PTPRN2: variants seen among roughly 807,000 people sequenced by gnomAD.
PTPRN2 encodes the protein protein tyrosine phosphatase receptor type N2, also known as receptor-type tyrosine-protein phosphatase N2.
A neutral mutation model predicts 118.8 loss-of-function variants in PTPRN2; 74 were observed. The ratio of observed to expected loss-of-function variants is 0.62; its 90% CI spans 0.52 to 0.76. The LOEUF is 0.76. PTPRN2 is among the 30% of genes least tolerant of loss of function. The pLI is 0.00. For synonymous variants in PTPRN2, 641 were observed against 608.0 expected, an observed-to-expected ratio of 1.05 and a Z score of -0.80; for missense variants, 1,481 against 1,394.4, an observed-to-expected ratio of 1.06 and a Z score of -0.99.
chr7:158,020,138 G>A (rs534690037), intron 11 of PTPRN2, among the ~76,000 whole-genome samples: 3 of 152,202 alleles, frequency 2.0e-5, no homozygotes, highest in Admixed American at 6.5e-5. Context: ...GATGGCCAGA[G>A]CCCAGGTGGG....
chr7:158,124,984 G>A (rs765354713), intron 9 of PTPRN2, among the ~76,000 whole-genome samples: 2 of 152,256 alleles, frequency 1.3e-5, no homozygotes, highest in Non-Finnish European at 2.9e-5. Flanking sequence ...CAGATGGCCT[G>A]GACCAGGGTG....
At chr7:158,070,970 G>T (rs1180930535) in intron 11 of PTPRN2, among the ~76,000 whole-genome samples, 2 of 115,892 alleles carry the variant, frequency 1.7e-5, no homozygotes, top group African/African-American at 8.5e-5. Flanking sequence ...AGGTGCTCAC[G>T]GTGGAGGTGC....
At chr7:158,333,705 A>G (rs1227529209) in intron 2 of PTPRN2, among the ~76,000 whole-genome samples, 2 of 150,596 alleles carry the variant, frequency 1.3e-5, no homozygotes, top group Non-Finnish European at 2.9e-5. Flanking sequence ...CTGTCACCAT[A>G]AGAGCTGAGG....
At chr7:158,277,896 G>A (rs2150989575) in intron 3 of PTPRN2, among the ~76,000 whole-genome samples, 1 of 152,252 alleles carries the variant, frequency 6.6e-6, no homozygotes. Flanking sequence ...CTGCGGCAGA[G>A]TCTAAGAGAA....
At chr7:158,216,034 AT>A (rs1280929526) in intron 3 of PTPRN2, among the ~76,000 whole-genome samples, 1 of 152,162 alleles carries the variant, frequency 6.6e-6, no homozygotes, top group East Asian at 1.9e-4. Context: ...GTCTTATGTC[AT>A]TTTAAATGCA....
Position 157,630,529 on chromosome 7 carries a change from T to G in PTPRN2, c.2197-9020A>C, listed in dbSNP as rs909865819. 3.9e-5 allele frequency among the ~76,000 whole-genome samples: 6 copies of G among 152,328 alleles called. No homozygotes were observed. In the South Asian group the frequency reaches 1.2e-3, roughly 32 times the overall value. ...ACCGTGTGCCCGTCACGGCAGCACCTTTGACTTGCCATGGAATTACGGGTC... is the reference window on the plus strand; with the variant it reads ...ACCGTGTGCCCGTCACGGCAGCACCGTTGACTTGCCATGGAATTACGGGTC... On this transcript the variant is annotated intron_variant, in intron 14 of 22. Transcript: ENST00000389418.
chr7:158,381,557 G>A (rs1444901239), intron 2 of PTPRN2, among the ~76,000 whole-genome samples: 1 of 152,168 alleles, frequency 6.6e-6, no homozygotes, highest in Non-Finnish European at 1.5e-5. Flanking sequence ...CCTCTAGGAA[G>A]TGCCAAACTT....
chr7:158,379,142 G>T (rs916037517), intron 2 of PTPRN2, among the ~76,000 whole-genome samples: 9 of 152,168 alleles, frequency 5.9e-5, no homozygotes, highest in Non-Finnish European at 1.0e-4. Context: ...CCAGAGTGGG[G>T]AAGGCTCATA....
At chr7:157,570,652 A>G (rs918204757) in intron 20 of PTPRN2, among the ~76,000 whole-genome samples, 14 of 152,194 alleles carry the variant, frequency 9.2e-5, no homozygotes, top group Middle Eastern at 3.2e-3. Flanking sequence ...ACTTAGGGAT[A>G]TGAGTCACTG....
chr7:158,359,867 G>A (rs1349175984), intron 2 of PTPRN2, among the ~76,000 whole-genome samples: 2 of 152,106 alleles, frequency 1.3e-5, no homozygotes, highest in African/African-American at 4.8e-5. Flanking sequence ...TTAATATACA[G>A]CACCTTAGCT....
intron 11 of PTPRN2, among the ~76,000 whole-genome samples, chr7:157,988,944 G>A (rs1804032606): frequency 6.6e-6 from 1 of 152,218 alleles, no homozygotes; most frequent in African/African-American, 2.4e-5. Flanking sequence ...GTCCTCATAT[G>A]CAAACATGTC....
chr7:158,397,178 C>T (rs890727693), intron 2 of PTPRN2, among the ~76,000 whole-genome samples: 3 of 152,208 alleles, frequency 2.0e-5, no homozygotes, highest in African/African-American at 7.2e-5. Flanking sequence ...TCCTTCCTTG[C>T]GTAATCTCAA....
At chr7:158,564,321 G>C (rs1359637104) in intron 1 of PTPRN2, among the ~76,000 whole-genome samples, 1 of 152,268 alleles carries the variant, frequency 6.6e-6, no homozygotes, top group Non-Finnish European at 1.5e-5. Flanking sequence ...GTGCAAGTAA[G>C]TTTGTAAGGA....
intron 12 of PTPRN2, among the ~76,000 whole-genome samples, chr7:157,816,640 G>A (rs1463529148): frequency 6.6e-6 from 1 of 152,220 alleles, no homozygotes. Flanking sequence ...AGCCCCCGCA[G>A]TCTACAGGCC....
rs1283061000 is a variant in PTPRN2 at position 157,544,431 on chromosome 7, G to T, written c.2977-3646C>A. On this transcript the variant is annotated intron_variant, in intron 22 of 22. Coordinates refer to ENST00000389418, the MANE Select transcript of PTPRN2 (RefSeq NM_002847.5). ...GGCTGAGGTCAGGCTTTAGGACAAG[G>T]GGCTGGTGCAGAAGAAAATGGGGAA... Among the ~76,000 whole-genome samples, 5 of 152,210 alleles carry T rather than the reference G, an allele frequency of 3.3e-5. No individual in the cohort carries two copies. In the South Asian group the frequency reaches 1.0e-3, roughly 32 times the overall value.
intron 21 of PTPRN2, among the ~76,000 whole-genome samples, chr7:157,559,782 C>T (rs548856272): frequency 4.6e-5 from 7 of 152,300 alleles, no homozygotes; most frequent in African/African-American, 1.7e-4. Context: ...ACCAGTGCTT[C>T]GGGCACATCC....
intron 12 of PTPRN2, among the ~76,000 whole-genome samples, chr7:157,709,478 G>A (rs1181729791): frequency 6.6e-6 from 1 of 152,158 alleles, no homozygotes; most frequent in Non-Finnish European, 1.5e-5. Context: ...TGGGTTACTC[G>A]GACATCTAGA....
chr7:157,951,997 C>A (rs113119876), intron 11 of PTPRN2, among the ~76,000 whole-genome samples: 2 of 152,230 alleles, frequency 1.3e-5, no homozygotes, highest in Non-Finnish European at 2.9e-5. Context: ...CTCCAGCCTG[C>A]GCCCCGCACT....
chr7:158,367,715 T>A (rs1278380603), intron 2 of PTPRN2, among the ~76,000 whole-genome samples: 2 of 152,156 alleles, frequency 1.3e-5, no homozygotes, highest in Non-Finnish European at 2.9e-5. Flanking sequence ...AAAAATAAGC[T>A]CTTGAACCCA....
Sources: gnomAD v4.1 joint callset for allele counts (sites outside exome capture counted in the v4.1 genomes callset) on GRCh38, gnomAD v4.1.1 for gene constraint, MANE v1.5 for transcripts, NCBI Gene and HGNC (gene_info 2026-07-23, HGNC 2026-07-21) for gene names.